Variants in BOC observed in about 807,000 individuals in gnomAD.
BOC encodes the protein BOC cell adhesion associated, oncogene regulated, also known as brother of CDO.
Under a neutral mutation model 112.0 loss-of-function variants are expected in BOC, and 76 were observed. That is an observed-to-expected ratio of 0.68 (90% CI 0.56 to 0.82). The LOEUF (loss-of-function observed/expected upper bound fraction) is 0.82. Ranked by LOEUF, BOC falls within the 40% of genes least tolerant of loss-of-function variation. The pLI is 0.00. For missense variants in BOC, 1,309 were observed against 1,511.7 expected (o/e 0.87, Z 2.22); for synonymous variants, 580 against 599.8 (o/e 0.97, Z 0.48).
At position 113,271,018 on chromosome 3, in the gene BOC, A is replaced by G. The variant is rs775998295; in HGVS notation, c.667+74A>G. On this transcript the variant is annotated intron_variant, in intron 6 of 19. Coordinates refer to ENST00000682979, the MANE Select transcript of BOC (RefSeq NM_001378074.1). ...GGCTCACAAAGATGGAAAGGGAGGT[A>G]GATACCTGGAGGTGCCACATCCAAG... 5 of 1,597,838 alleles carry G rather than the reference A, an allele frequency of 3.1e-6. No homozygotes were observed. In the Admixed American group the frequency reaches 5.0e-5, roughly 16 times the overall value.
chr3:113,250,071 A>T (rs956910132), intron 3 of BOC, among the ~76,000 whole-genome samples, 172 bp downstream of exon 3: 4 of 152,218 alleles, frequency 2.6e-5, no homozygotes, highest in African/African-American at 4.8e-5. Context: ...ACAACATCAT[A>T]TTGGTTATAG....
At chr3:113,276,360 C>G (rs1283648617) in intron 9 of BOC, among the ~76,000 whole-genome samples, 6 of 152,156 alleles carry the variant, frequency 3.9e-5, no homozygotes, top group South Asian at 4.2e-4. Flanking sequence ...ATTTTCATTT[C>G]TGGGCCCAGT....
chr3:113,232,689 A>G (rs1388228673), intron 2 of BOC, among the ~76,000 whole-genome samples: 1 of 152,158 alleles, frequency 6.6e-6, no homozygotes, highest in Non-Finnish European at 1.5e-5. Flanking sequence ...AGCCCCTGAG[A>G]TATTGCCTCT....
chr3:113,250,761 G>A lies in BOC; in HGVS notation c.304G>A (p.Gly102Arg). Residue 102 changes from glycine (G) to arginine (R), a missense_variant, in exon 4 of 20, where the codon GGA (glycine) becomes AGA (arginine). Coordinates refer to ENST00000682979, the MANE Select transcript of BOC (RefSeq NM_001378074.1). ...VITALNNHTV[G>R]RYQCVARMPA... ...CACTGCCCTTAACAACCACACTGTG[G>A]GACGGTACCAGTGTGTGGCCCGGAT... 1.2e-6 allele frequency: 2 copies of A among 1,614,138 alleles called. No homozygotes were observed. The highest frequency in any genetic ancestry group is 1.7e-6 in the Non-Finnish European group (2 of 1,180,028).
intron 4 of BOC, among the ~76,000 whole-genome samples, chr3:113,266,757 A>G (rs1559861527): frequency 1.3e-5 from 2 of 152,350 alleles, no homozygotes; most frequent in East Asian, 3.9e-4. Flanking sequence ...CCACGCCCCT[A>G]AAGAGTTCAT....
At chr3:113,223,924 G>A (rs773066705) in intron 2 of BOC, among the ~76,000 whole-genome samples, 18 of 152,254 alleles carry the variant, frequency 1.2e-4, no homozygotes, top group Non-Finnish European at 1.6e-4. Flanking sequence ...CGGCCCTGGC[G>A]CTACTGGAGT....
chr3:113,240,191 A>G (rs894145315), intron 2 of BOC, among the ~76,000 whole-genome samples: 1 of 152,216 alleles, frequency 6.6e-6, no homozygotes, highest in Non-Finnish European at 1.5e-5. Flanking sequence ...CTAGAGATTG[A>G]TGATGCATCT....
Position 113,250,659 on chromosome 3 carries a change from T to C in BOC, c.202T>C (p.Trp68Arg). 2 of 1,614,194 alleles carry C rather than the reference T, an allele frequency of 1.2e-6. No homozygotes were observed. The highest frequency in any genetic ancestry group is 1.7e-6 in the Non-Finnish European group (2 of 1,180,028). Reference sequence around the variant, plus strand: ...GGAACCTCCAAGGATGAATGTAACCTGGCGCCTGAATGGAAAGGAGCTGAA... The same window carrying C: ...GGAACCTCCAAGGATGAATGTAACCCGGCGCCTGAATGGAAAGGAGCTGAA... ...VVEPPRMNVT[W>R]RLNGKELNGS... Residue 68 changes from tryptophan to arginine, a missense_variant, in exon 4 of 20, where the codon TGG (tryptophan) becomes CGG (arginine). Coordinates refer to ENST00000682979, the MANE Select transcript of BOC (RefSeq NM_001378074.1).
intron 2 of BOC, among the ~76,000 whole-genome samples, chr3:113,232,413 G>T (rs925824559): frequency 1.3e-5 from 2 of 152,230 alleles, no homozygotes. Flanking sequence ...GGAAGGATTG[G>T]GGATGAAGTT....
chr3:113,280,592 A>G lies in BOC; in HGVS notation c.2240A>G (p.His747Arg). The change falls in exon 14 of 20, where the codon CAT becomes CGT. Residue 747 changes from histidine to arginine, a missense_variant. Physicochemically the swap from His to Arg is conservative, Grantham distance 29. Coordinates refer to ENST00000682979, the MANE Select transcript of BOC (RefSeq NM_001378074.1). ...GCAAGTAACAACAACACCCCAATCC[A>G]TGGCTTTTATATCTATTATCGACCC... is the stretch of plus-strand genomic sequence containing the variant. Reference protein sequence around the residue: ...IPASNNNTPIHGFYIYYRPTD... With the variant: ...IPASNNNTPIRGFYIYYRPTD... 2 of 1,612,486 alleles carry G rather than the reference A, an allele frequency of 1.2e-6. No homozygotes were observed. The highest frequency in any genetic ancestry group is 1.7e-6 in the Non-Finnish European group (2 of 1,178,520).
At chr3:113,248,835 G>A (rs1945257640) in intron 2 of BOC, among the ~76,000 whole-genome samples, 1 of 152,194 alleles carries the variant, frequency 6.6e-6, no homozygotes, top group African/African-American at 2.4e-5. Context: ...GTTGTCAGAT[G>A]GCTGGAGGTG....
chr3:113,233,148 G>GGGGGGGTGTGTGT (rs75678874), intron 2 of BOC, among the ~76,000 whole-genome samples: 2 of 123,960 alleles, frequency 1.6e-5, no homozygotes, highest in African/African-American at 6.2e-5. Context: ...AAAGGATTGG[G>GGGGGGGTGTGTGT]GTGTGTGTGT....
chr3:113,226,424 T>C (rs1415708933), intron 2 of BOC, among the ~76,000 whole-genome samples: 1 of 152,196 alleles, frequency 6.6e-6, no homozygotes, highest in African/African-American at 2.4e-5. Context: ...GGTGGGCTTC[T>C]GGTTTTACTG....
rs1949030772 is a variant in BOC, at chr3:113,279,889, T to G, written c.2089T>G (p.Ser697Ala). 6.2e-7 allele frequency: 1 copy of G among 1,613,866 alleles called. No homozygotes were observed. The highest frequency in any genetic ancestry group is 1.3e-5 in the African/African-American group (1 of 75,008). The change falls in exon 13 of 20, where the codon TCT becomes GCT. Residue 697 changes from serine (S) to alanine (A), a missense_variant. By Grantham distance (99) the Ser-to-Ala change is moderately conservative. Transcript: ENST00000682979. ...GGGGGAGAGCGAGCCCAGCGCCCCC[T>G]CTCGGCCCTACGTGGTGTCGGGCTA... is the stretch of plus-strand genomic sequence containing the variant. ...MLGESEPSAP[S>A]RPYVVSGYSG...
At chr3:113,268,173 G>T in intron 4 of BOC, 126 bp from the exon 5 acceptor site, 1 of 1,416,166 alleles carries the variant, frequency 7.1e-7, no homozygotes. Flanking sequence ...GAACTCGGAG[G>T]ATCCCCTGAT....
At chr3:113,275,503 T>C (rs1948572982) in intron 9 of BOC, among the ~76,000 whole-genome samples, 1 of 152,236 alleles carries the variant, frequency 6.6e-6, no homozygotes, top group African/African-American at 2.4e-5. Flanking sequence ...TGTAAGAAAA[T>C]GTCCTTGAAA....
chr3:113,261,427 T>A (rs770485561), intron 4 of BOC, among the ~76,000 whole-genome samples: 17 of 152,320 alleles, frequency 1.1e-4, no homozygotes, highest in Admixed American at 3.3e-4. Context: ...AACTATTTCA[T>A]TCCTTCATCT....
chr3:113,212,253 G>T (rs910846059), intron 1 of BOC: 3 of 151,778 alleles, frequency 2.0e-5, no homozygotes, highest in Non-Finnish European at 4.4e-5. Flanking sequence ...GGCGAGGCGG[G>T]CAGCGGGGGT....
Position 113,247,603 on chromosome 3 carries a change from G to A in BOC, c.-81-2119G>A, listed in dbSNP as rs191670459. Among the ~76,000 whole-genome samples, 320 of 151,822 alleles carry A rather than the reference G, an allele frequency of 2.1e-3. 1 individual carries two copies. The highest frequency in any genetic ancestry group is 7.4e-3 in the African/African-American group (306 of 41,374). On this transcript the variant is annotated intron_variant, in intron 2 of 19. Coordinates refer to ENST00000682979, the MANE Select transcript of BOC (RefSeq NM_001378074.1). ...TTTCAATCCAGGCCTACTGTTATGT[G>A]ATCCTGGGCAACTTCACTTCTGGAA...
Sources: gnomAD v4.1 joint callset for allele counts (sites outside exome capture counted in the v4.1 genomes callset) on GRCh38, gnomAD v4.1.1 for gene constraint, MANE v1.5 for transcripts, NCBI Gene and HGNC (gene_info 2026-07-23, HGNC 2026-07-21) for gene names.